SMARCA5: variants seen among roughly 807,000 people sequenced by gnomAD.
SMARCA5 encodes SNF2 related chromatin remodeling ATPase 5.
SMARCA5 carries 18 observed loss-of-function variants against 140.4 expected under a neutral mutation model. That is an observed-to-expected ratio of 0.13 (90% CI 0.09 to 0.19). SMARCA5 has a LOEUF of 0.19. Among genes scored for constraint, SMARCA5 ranks in the 10% least tolerant of loss-of-function variants. The probability of loss-of-function intolerance (pLI) is 1.00; values close to 1 mark genes in which losing one functional copy is unlikely to be tolerated. For missense variants in SMARCA5, 606 were observed against 1,276.8 expected, an observed-to-expected ratio of 0.47 and a Z score of 8.01; for synonymous variants, 449 against 419.6, an observed-to-expected ratio of 1.07 and a Z score of -0.86.
intron 17 of SMARCA5, 53 bp from the exon 18 acceptor site, chr4:143,545,417 T>G (rs758396620): frequency 8.4e-6 from 10 of 1,186,990 alleles, no homozygotes; most frequent in African/African-American, 1.5e-5. Flanking sequence ...TAAGGATACA[T>G]TTAAAATGAA....
At chr4:143,522,689 C>CA (rs1242398295) in intron 3 of SMARCA5, among the ~76,000 whole-genome samples, 11 of 152,226 alleles carry the variant, frequency 7.2e-5, no homozygotes, top group African/African-American at 2.6e-4. Context: ...TTTCAGACTT[C>CA]AGAAGTTTGC....
intron 22 of SMARCA5, among the ~76,000 whole-genome samples, chr4:143,548,525 G>C (rs966261194): frequency 1.3e-5 from 2 of 151,928 alleles, no homozygotes; most frequent in Non-Finnish European, 2.9e-5. Context: ...CCAGAGTCTG[G>C]ATTATTTTAA....
At chr4:143,533,862 A>G (rs1737249554) in intron 9 of SMARCA5, among the ~76,000 whole-genome samples, 1 of 152,170 alleles carries the variant, frequency 6.6e-6, no homozygotes. Flanking sequence ...CATTTTAAAA[A>G]TTTACTATTG....
At chr4:143,528,540 T>C (rs765447567) in intron 7 of SMARCA5, 43 bp from the exon 8 acceptor site, 7 of 1,570,000 alleles carry the variant, frequency 4.5e-6, no homozygotes, top group Non-Finnish European at 4.3e-6. Flanking sequence ...GATAATGCAA[T>C]ATGCAGAATA....
At chr4:143,523,447 A>G (rs941107113) in intron 3 of SMARCA5, among the ~76,000 whole-genome samples, 1 of 152,228 alleles carries the variant, frequency 6.6e-6, no homozygotes, top group Non-Finnish European at 1.5e-5. Context: ...ACTATAAAGG[A>G]TATTTTATAA....
intron 3 of SMARCA5, 25 bp from the exon 4 acceptor site, chr4:143,524,342 G>A (rs772568581): frequency 6.6e-7 from 1 of 1,517,168 alleles, no homozygotes; most frequent in Non-Finnish European, 9.0e-7. Flanking sequence ...ACTCAAATCA[G>A]GTTATTTTAT....
chr4:143,515,114 C>G (rs1234532688), intron 1 of SMARCA5, among the ~76,000 whole-genome samples: 2 of 152,140 alleles, frequency 1.3e-5, no homozygotes, highest in Non-Finnish European at 2.9e-5. Flanking sequence ...ATTTTCCTAT[C>G]CTTAGACAGA....
Position 143,553,508 on chromosome 4 carries a change from G to C in SMARCA5, c.*324G>C, listed in dbSNP as rs1331579040. The C allele has an allele frequency of 4.6e-6, 1 of 216,360 alleles. No individual in the cohort carries two copies. The highest frequency in any genetic ancestry group is 2.3e-5 in the African/African-American group (1 of 43,390). The allele number at this position is 216,360 out of a possible 1,614,324, so 13.4% of individuals were successfully genotyped here. On this transcript the variant is annotated 3_prime_UTR_variant, in exon 24 of 24. Transcript: ENST00000283131. Reference sequence around the variant, plus strand: ...TAGCTATAATTTCTACACTTGTAAGGCTTAAAAACAAGTTAAAAAGAAAAT... The same window carrying C: ...TAGCTATAATTTCTACACTTGTAAGCCTTAAAAACAAGTTAAAAAGAAAAT...
chr4:143,526,037 A>G (rs2149818502), intron 5 of SMARCA5, among the ~76,000 whole-genome samples: 1 of 152,382 alleles, frequency 6.6e-6, no homozygotes, highest in East Asian at 1.9e-4. Flanking sequence ...TAGCTCTGCT[A>G]GATGACTTTG....
chr4:143,538,351 C>G (rs1263317081), intron 11 of SMARCA5, among the ~76,000 whole-genome samples: 2 of 152,080 alleles, frequency 1.3e-5, no homozygotes, highest in Non-Finnish European at 2.9e-5. Flanking sequence ...GATGGCAAAG[C>G]CTTCCAGACC....
intron 3 of SMARCA5, 144 bp from the exon 4 acceptor site, chr4:143,524,223 A>G (rs1296197487): frequency 3.9e-6 from 2 of 516,258 alleles, no homozygotes; most frequent in Non-Finnish European, 3.5e-6. Flanking sequence ...AAATGTACTC[A>G]TATTTTCTAC....
In SMARCA5 at chr4:143,556,368, A is replaced by AT. The variant is rs1196930924; in HGVS notation, c.*3186dup. 6.6e-6 allele frequency: 1 copy of AT among 152,188 alleles called. No individual in the cohort carries two copies. The highest frequency in any genetic ancestry group is 1.5e-5 in the Non-Finnish European group (1 of 68,026). 9.4% of individuals were successfully genotyped at this position (152,188 alleles called of 1,614,324 possible). On this transcript the variant is annotated 3_prime_UTR_variant, in exon 24 of 24. Coordinates refer to ENST00000283131, the MANE Select transcript of SMARCA5 (RefSeq NM_003601.4). ...AACACCCCTGTGGTTTTTCAGAAAA[A>AT]TTCTGAGTAAAAAATAAATTTCATC...
Position 143,538,691 on chromosome 4 carries a change from A to G in SMARCA5, c.1597A>G (p.Thr533Ala). 6.2e-7 allele frequency: 1 copy of G among 1,614,066 alleles called. No homozygotes were observed. The highest frequency in any genetic ancestry group is 8.5e-7 in the Non-Finnish European group (1 of 1,179,976). ...NYEYCRLDGQ[T>A]PHDERQDSIN... Reference sequence around the variant, plus strand: ...TGAGTACTGCAGGTTGGATGGTCAGACACCCCATGATGAGAGACAAGTGAG... The same window carrying G: ...TGAGTACTGCAGGTTGGATGGTCAGGCACCCCATGATGAGAGACAAGTGAG... The change falls in exon 12 of 24, where the codon ACA (threonine) becomes GCA (alanine). Residue 533 changes from threonine to alanine, a missense_variant. Transcript: ENST00000283131.
At chr4:143,552,855 A>T (rs550870914) in intron 23 of SMARCA5, among the ~76,000 whole-genome samples, 2 of 151,944 alleles carry the variant, frequency 1.3e-5, no homozygotes, top group South Asian at 2.1e-4. Flanking sequence ...CATTTATTTG[A>T]TATTGATCTA....
At chr4:143,524,021 C>CT (rs1737019045) in intron 3 of SMARCA5, among the ~76,000 whole-genome samples, 1 of 151,846 alleles carries the variant, frequency 6.6e-6, no homozygotes, top group South Asian at 2.1e-4. Flanking sequence ...GTTTCTGGAA[C>CT]TTTTTTTTCC....
At chr4:143,533,125 A>G (rs1172482317) in intron 9 of SMARCA5, among the ~76,000 whole-genome samples, 3 of 152,246 alleles carry the variant, frequency 2.0e-5, no homozygotes, top group African/African-American at 7.2e-5. Context: ...TGAGTGAACT[A>G]CTACTACATA....
intron 22 of SMARCA5, 55 bp downstream of exon 22, chr4:143,548,195 C>A: frequency 1.0e-6 from 1 of 1,001,698 alleles, no homozygotes; most frequent in Non-Finnish European, 1.5e-6. Context: ...TAAGTGTCAT[C>A]TTTGGTATTC....
At position 143,553,368 on chromosome 4, in the gene SMARCA5, T is replaced by G. The variant is rs1737683542; in HGVS notation, c.*184T>G. On this transcript the variant is annotated 3_prime_UTR_variant, in exon 24 of 24. Transcript: ENST00000283131. Reference sequence around the variant, plus strand: ...TTAAATGCAACAGCTGTGCTGAAATTTTTTTATCATTAACACTTGAAGTAA... The same window carrying G: ...TTAAATGCAACAGCTGTGCTGAAATGTTTTTATCATTAACACTTGAAGTAA... 4.0e-6 allele frequency: 2 copies of G among 501,834 alleles called. No homozygotes were observed. The highest frequency in any genetic ancestry group is 3.9e-5 in the African/African-American group (2 of 51,686). The allele number at this position is 501,834 out of a possible 1,614,324, so 31.1% of individuals were successfully genotyped here. A position where few individuals can be genotyped will look rare whatever the true frequency, so the allele number is the denominator to read the frequency against.
rs574632541 is a variant in SMARCA5 at position 143,550,805 on chromosome 4, A to G, written c.3093+701A>G. On this transcript the variant is annotated intron_variant, in intron 23 of 23. Transcript: ENST00000283131. ...TAGTATTCTATTGTGTATACATACCATGTTTTCTTTATCCATTTATCTGTT... is the reference window on the plus strand; with the variant it reads ...TAGTATTCTATTGTGTATACATACCGTGTTTTCTTTATCCATTTATCTGTT... Among the ~76,000 whole-genome samples the G allele has an allele frequency of 1.6e-4, 24 of 152,222 alleles. No homozygotes were observed. The South Asian group carries it at 4.8e-3, about 30-fold the overall frequency.
Sources: gnomAD v4.1 joint callset for allele counts (sites outside exome capture counted in the v4.1 genomes callset) on GRCh38, gnomAD v4.1.1 for gene constraint, MANE v1.5 for transcripts, NCBI Gene and HGNC (gene_info 2026-07-23, HGNC 2026-07-21) for gene names.